The following LRRC37A2 variants were observed in gnomAD, a reference collection of about 807,000 sequenced individuals.
LRRC37A2 encodes the protein leucine-rich repeat-containing protein 37A2.
In LRRC37A2, 9 loss-of-function variants were observed where a neutral mutation model predicts 68.8. The ratio of observed to expected loss-of-function variants is 0.13; its 90% CI spans 0.08 to 0.23. LRRC37A2 has a LOEUF of 0.23. Ranked by LOEUF, LRRC37A2 falls within the 10% of genes least tolerant of loss-of-function variation. LRRC37A2 has a pLI of 1.00. For missense variants in LRRC37A2, 168 were observed against 950.4 expected, an observed-to-expected ratio of 0.18 and a Z score of 10.82; for synonymous variants, 63 against 367.6, an observed-to-expected ratio of 0.17 and a Z score of 9.48.
At chr17:47,017,568 T>G in the LRRC37A2 span, 1 of 1,597,490 alleles carries the variant, frequency 6.3e-7, no homozygotes, top group Non-Finnish European at 8.5e-7. Flanking sequence ...GCCAGAGCAG[T>G]TCTTGGCTTC....
the LRRC37A2 span, among the ~76,000 whole-genome samples, chr17:46,501,059 T>C: frequency 1.3e-5 from 2 of 151,294 alleles, no homozygotes; most frequent in Non-Finnish European, 2.9e-5. Flanking sequence ...GGTGGTACTT[T>C]TTAAAATTTT....
the LRRC37A2 span, chr17:46,749,919 T>G: frequency 1.2e-6 from 2 of 1,613,212 alleles, no homozygotes. Flanking sequence ...TAAAAATGAG[T>G]CAATGGATTG....
intron 6 of LRRC37A2, among the ~76,000 whole-genome samples, chr17:46,530,419 C>T (rs542778794): frequency 8.3e-5 from 12 of 144,534 alleles, no homozygotes; most frequent in African/African-American, 2.9e-4. Flanking sequence ...TGTTACAAAA[C>T]AAGTTAATGG....
chr17:46,856,804 C>T, the LRRC37A2 span, among the ~76,000 whole-genome samples: 2 of 152,170 alleles, frequency 1.3e-5, no homozygotes, highest in Admixed American at 6.5e-5. Flanking sequence ...TTTTAAATTG[C>T]ACAGTTTGGG....
At chr17:46,999,607 C>T in the LRRC37A2 span, among the ~76,000 whole-genome samples, 4 of 152,034 alleles carry the variant, frequency 2.6e-5, no homozygotes, top group Non-Finnish European at 5.9e-5. Context: ...ACCTTGGCCT[C>T]CCAAAGTGTT....
the LRRC37A2 span, among the ~76,000 whole-genome samples, chr17:46,750,081 G>A: frequency 3.3e-5 from 5 of 152,176 alleles, no homozygotes; most frequent in African/African-American, 9.7e-5. Flanking sequence ...GGCCAGGCAC[G>A]GTGGCTTATG....
At chr17:46,918,691 C>T in the LRRC37A2 span, among the ~76,000 whole-genome samples, 1 of 151,966 alleles carries the variant, frequency 6.6e-6, no homozygotes, top group Non-Finnish European at 1.5e-5. Flanking sequence ...AAATAGCTCC[C>T]CCTGAACCAC....
the LRRC37A2 span, among the ~76,000 whole-genome samples, chr17:46,848,641 G>A: frequency 3.9e-5 from 6 of 152,228 alleles, no homozygotes; most frequent in African/African-American, 9.6e-5. Context: ...GGAGGTACAC[G>A]ATGCTCTGTA....
the LRRC37A2 span, among the ~76,000 whole-genome samples, chr17:46,801,492 C>T: frequency 8.9e-5 from 11 of 123,694 alleles, no homozygotes; most frequent in African/African-American, 3.4e-4. Flanking sequence ...TGGTGGCAGG[C>T]GCCTGTAATC....
chr17:46,734,201 G>C, the LRRC37A2 span, among the ~76,000 whole-genome samples: 1 of 152,194 alleles, frequency 6.6e-6, no homozygotes, highest in African/African-American at 2.4e-5. Context: ...TAATGGAAGA[G>C]ACTCCAAATC....
At chr17:46,922,840 A>C in the LRRC37A2 span, 1 of 364,408 alleles carries the variant, frequency 2.7e-6, no homozygotes, top group Non-Finnish European at 5.1e-6. Context: ...AGAGAACAGC[A>C]GATGATAGCG....
the LRRC37A2 span, among the ~76,000 whole-genome samples, chr17:46,723,702 A>G: frequency 6.6e-6 from 1 of 152,074 alleles, no homozygotes. Context: ...CACCACACCC[A>G]TTCATTCACC....
At chr17:46,675,664 G>A in the LRRC37A2 span, among the ~76,000 whole-genome samples, 2 of 136,300 alleles carry the variant, frequency 1.5e-5, no homozygotes, top group South Asian at 4.6e-4. Flanking sequence ...ACACACACAC[G>A]AACATTCTAT....
chr17:46,456,292 T>C, the LRRC37A2 span, among the ~76,000 whole-genome samples: 1 of 92,846 alleles, frequency 1.1e-5, no homozygotes, highest in Non-Finnish European at 2.4e-5. Context: ...TTTATCGTTA[T>C]ATGTAAAACA....
At chr17:46,761,990 C>G in the LRRC37A2 span, among the ~76,000 whole-genome samples, 1 of 152,242 alleles carries the variant, frequency 6.6e-6, no homozygotes, top group Non-Finnish European at 1.5e-5. Context: ...CCAGGGCACA[C>G]GCTTTCTTCT....
At chr17:47,038,994 A>T in the LRRC37A2 span, among the ~76,000 whole-genome samples, 3 of 148,666 alleles carry the variant, frequency 2.0e-5, no homozygotes, top group Non-Finnish European at 4.5e-5. Context: ...GCGCCCAACC[A>T]GTGCTTTTTA....
chr17:46,878,180 T>A, the LRRC37A2 span, among the ~76,000 whole-genome samples: 1 of 152,240 alleles, frequency 6.6e-6, no homozygotes, highest in Admixed American at 6.5e-5. Flanking sequence ...CAGGAGGAAG[T>A]GACTTCTTTC....
chr17:46,929,497 T>C, the LRRC37A2 span: 1 of 1,358,052 alleles, frequency 7.4e-7, no homozygotes, highest in Non-Finnish European at 1.1e-6. Flanking sequence ...GTCTCACTCA[T>C]TTCCTCCCTC....
chr17:46,967,202 C>T, the LRRC37A2 span, among the ~76,000 whole-genome samples: 3 of 152,232 alleles, frequency 2.0e-5, no homozygotes, highest in Non-Finnish European at 4.4e-5. Flanking sequence ...GTGTTACCTC[C>T]TGGTTTGGAG....
Sources: gnomAD v4.1 joint callset for allele counts (sites outside exome capture counted in the v4.1 genomes callset) on GRCh38, gnomAD v4.1.1 for gene constraint, MANE v1.5 for transcripts, NCBI Gene and HGNC (gene_info 2026-07-23, HGNC 2026-07-21) for gene names.